The following ZNF480 variants were observed in gnomAD, a reference collection of about 807,000 sequenced individuals.
The protein encoded by ZNF480 is zinc finger protein 480.
ZNF480 carries 15 observed loss-of-function variants against 14.4 expected under a neutral mutation model. That is an observed-to-expected ratio of 1.04 (90% confidence interval 0.70 to 1.60). The LOEUF is 1.60. Among genes scored for constraint, ZNF480 ranks in the 40% most tolerant of loss-of-function variants. ZNF480 has a pLI of 0.00. For missense variants in ZNF480, 593 were observed against 629.7 expected (o/e 0.94, Z 0.62); for synonymous variants, 218 against 215.5 (o/e 1.01, Z -0.10).
chr19:52,299,442 C>T (rs146110182), intron 1 of ZNF480, among the ~76,000 whole-genome samples: 109 of 152,310 alleles, frequency 7.2e-4, no homozygotes, highest in African/African-American at 2.4e-3. Context: ...CGCTACTTCA[C>T]GTGCTGGTTG....
rs1002366362 is a variant in ZNF480, at chr19:52,324,247, A to T, written c.*1389A>T. On this transcript the variant is annotated 3_prime_UTR_variant, in exon 5 of 5. Transcript: ENST00000595962. ...AGGAATACAGCCAACCAGGTAAGTGAAAGATTTCTACAATGAGAATTACAA... is the reference window on the plus strand; with the variant it reads ...AGGAATACAGCCAACCAGGTAAGTGTAAGATTTCTACAATGAGAATTACAA... 4 of 152,234 alleles carry T rather than the reference A, an allele frequency of 2.6e-5. No individual in the cohort carries two copies. The highest frequency in any genetic ancestry group is 9.6e-5 in the African/African-American group (4 of 41,462). The allele number at this position is 152,234 out of a possible 1,614,324, so 9.4% of individuals were successfully genotyped here. A position where few individuals can be genotyped will look rare whatever the true frequency, so the allele number is the denominator to read the frequency against.
rs62110459 is a variant in ZNF480 at position 52,323,017 on chromosome 19, T to G, written c.*159T>G. On this transcript the variant is annotated 3_prime_UTR_variant, in exon 5 of 5. Coordinates refer to ENST00000595962, the MANE Select transcript of ZNF480 (RefSeq NM_144684.4). ...TAATAACTCATTAGAGAATTTATAC[T>G]GGAGAGACTTCACAATTATAATAAA... 42,533 of 536,694 alleles carry G rather than the reference T, an allele frequency of 0.079. 2,017 individuals carry two copies. Among genetic ancestry groups the G allele is most frequent in the Non-Finnish European group, 0.097 (32,009 of 328,724 alleles). 33.2% of individuals were successfully genotyped at this position (536,694 alleles called of 1,614,324 possible).
intron 2 of ZNF480, among the ~76,000 whole-genome samples, chr19:52,306,360 C>G (rs1982928966): frequency 6.6e-6 from 1 of 152,262 alleles, no homozygotes; most frequent in South Asian, 2.1e-4. Context: ...TTCCCAAGCT[C>G]TAATGCACAC....
chr19:52,300,712 G>A (rs1004619395), intron 2 of ZNF480: 1 of 695,562 alleles, frequency 1.4e-6, no homozygotes. Context: ...AGTGGGATCA[G>A]GGGCCAACAG....
chr19:52,314,487 A>AC (rs1202337078), intron 3 of ZNF480, among the ~76,000 whole-genome samples: 2 of 150,862 alleles, frequency 1.3e-5, no homozygotes, highest in African/African-American at 4.9e-5. Context: ...AAAAAAAAAA[A>AC]AAAAAAAAAA....
At chr19:52,300,336 G>A in intron 1 of ZNF480, 58 bp from the exon 2 acceptor site, 1 of 1,564,148 alleles carries the variant, frequency 6.4e-7, no homozygotes, top group Non-Finnish European at 8.8e-7. Context: ...GTGTGATTGT[G>A]GCACAGGAAA....
Position 52,297,644 on chromosome 19 carries a change from C to G in ZNF480, c.-20+421C>G, listed in dbSNP as rs1227150320. On this transcript the variant is annotated intron_variant, in intron 1 of 4. Transcript: ENST00000595962. ...TCTTCTGCCCAGTGCTGGGATTCTG[C>G]AGACGCCACCCATCTCTTGATCCAG... 2 of 169,374 alleles carry G rather than the reference C, an allele frequency of 1.2e-5. 1 individual carries two copies. The highest frequency in any genetic ancestry group is 4.8e-5 in the African/African-American group (2 of 41,530). The allele number at this position is 169,374 out of a possible 1,614,324, so 10.5% of individuals were successfully genotyped here.
At chr19:52,316,128 G>T (rs1209827450) in intron 4 of ZNF480, among the ~76,000 whole-genome samples, 166 bp downstream of exon 4, 1 of 152,094 alleles carries the variant, frequency 6.6e-6, no homozygotes, top group Non-Finnish European at 1.5e-5. Flanking sequence ...GCGAGACTCA[G>T]TTTCAAATAA....
chr19:52,304,113 C>T (rs1184600796), intron 2 of ZNF480, among the ~76,000 whole-genome samples: 1 of 152,182 alleles, frequency 6.6e-6, no homozygotes, highest in Non-Finnish European at 1.5e-5. Context: ...ATAAGTCTGA[C>T]AAATTGTTGG....
At chr19:52,315,436 T>G (rs1413791188) in intron 3 of ZNF480, among the ~76,000 whole-genome samples, 1 of 151,954 alleles carries the variant, frequency 6.6e-6, no homozygotes, top group Non-Finnish European at 1.5e-5. Flanking sequence ...CTGCCTTAAC[T>G]GCTCGAGTAG....
intron 2 of ZNF480, among the ~76,000 whole-genome samples, chr19:52,302,724 T>A (rs1982754060): frequency 6.6e-6 from 1 of 152,216 alleles, no homozygotes; most frequent in Non-Finnish European, 1.5e-5. Context: ...TCCTCGAGGA[T>A]TAACTCCTCC....
chr19:52,321,289 C>T (rs1445385704), intron 4 of ZNF480, among the ~76,000 whole-genome samples: 2 of 152,142 alleles, frequency 1.3e-5, no homozygotes, highest in African/African-American at 4.8e-5. Flanking sequence ...CTTATTTTCC[C>T]TAGAGACTTG....
intron 2 of ZNF480, chr19:52,301,561 T>C (rs766563869): frequency 6.6e-6 from 1 of 152,212 alleles, no homozygotes. Context: ...CATTACAGTT[T>C]ATCGGAGATC....
intron 2 of ZNF480, among the ~76,000 whole-genome samples, chr19:52,308,431 C>T (rs573373405): frequency 4.9e-4 from 74 of 151,362 alleles, no homozygotes; most frequent in Non-Finnish European, 1.0e-3. Context: ...CTCAGTGTCC[C>T]GAGTAGCTGG....
intron 2 of ZNF480, among the ~76,000 whole-genome samples, chr19:52,307,185 C>T (rs1427067937): frequency 6.6e-6 from 1 of 152,194 alleles, no homozygotes; most frequent in African/African-American, 2.4e-5. Context: ...CCTACCTTTT[C>T]CCAGACCTCT....
In ZNF480 at chr19:52,324,622, C is replaced by T. The variant is rs1273117747; in HGVS notation, c.*1764C>T. The T allele has an allele frequency of 6.6e-6, 1 of 152,006 alleles. No individual in the cohort carries two copies. The highest frequency in any genetic ancestry group is 2.4e-5 in the African/African-American group (1 of 41,378). The allele number at this position is 152,006 out of a possible 1,614,324, so 9.4% of individuals were successfully genotyped here. A position where few individuals can be genotyped will look rare whatever the true frequency, so the allele number is the denominator to read the frequency against. On this transcript the variant is annotated 3_prime_UTR_variant, in exon 5 of 5. Transcript: ENST00000595962. ...GATCAATGGAATAGGTAAGAGAACC[C>T]AGAAATAAAGGCATATACCTACAAC...
At chr19:52,310,393 A>T (rs1451678036) in intron 2 of ZNF480, among the ~76,000 whole-genome samples, 1 of 152,090 alleles carries the variant, frequency 6.6e-6, no homozygotes, top group Non-Finnish European at 1.5e-5. Flanking sequence ...TGTTAAAATG[A>T]CATTCTTTGT....
intron 4 of ZNF480, 148 bp downstream of exon 4, chr19:52,316,110 G>A: frequency 3.1e-6 from 2 of 654,408 alleles, no homozygotes; most frequent in Non-Finnish European, 4.5e-6. Flanking sequence ...CAGAGCCTGA[G>A]AGACAGAGCG....
At chr19:52,303,533 A>G (rs1475382084) in intron 2 of ZNF480, among the ~76,000 whole-genome samples, 1 of 152,204 alleles carries the variant, frequency 6.6e-6, no homozygotes, top group Non-Finnish European at 1.5e-5. Flanking sequence ...CCATGAATTC[A>G]TATGTGGAAG....
Sources: gnomAD v4.1 joint callset for allele counts (sites outside exome capture counted in the v4.1 genomes callset) on GRCh38, gnomAD v4.1.1 for gene constraint, MANE v1.5 for transcripts, NCBI Gene and HGNC (gene_info 2026-07-23, HGNC 2026-07-21) for gene names.